Variants in PDZRN4 observed in about 807,000 individuals in gnomAD.
PDZRN4 encodes the protein PDZ domain-containing RING finger protein 4.
A neutral mutation model predicts 99.0 loss-of-function variants in PDZRN4; 70 were observed. That is an observed-to-expected ratio of 0.71 (90% confidence interval 0.58 to 0.86). The LOEUF (loss-of-function observed/expected upper bound fraction) is 0.86. Among genes scored for constraint, PDZRN4 ranks in the 40% least tolerant of loss-of-function variants. The pLI is 0.00. For synonymous variants in PDZRN4, 551 were observed against 501.6 expected (o/e 1.10, Z -1.32); for missense variants, 1,474 against 1,331.2 (o/e 1.11, Z -1.67).
chr12:41,300,501 A>G (rs1951527890), intron 3 of PDZRN4, among the ~76,000 whole-genome samples: 1 of 151,998 alleles, frequency 6.6e-6, no homozygotes, highest in African/African-American at 2.4e-5. Context: ...ACACCCAGAA[A>G]TGTGCCCAAT....
intron 3 of PDZRN4, among the ~76,000 whole-genome samples, chr12:41,214,425 T>G: frequency 5.4e-5 from 1 of 18,496 alleles, no homozygotes; most frequent in South Asian, 2.9e-3. Context: ...GGAGACCCTG[T>G]CCCCTAAAAA....
intron 3 of PDZRN4, among the ~76,000 whole-genome samples, chr12:41,206,603 A>T (rs1950852802): frequency 6.6e-6 from 1 of 151,658 alleles, no homozygotes; most frequent in African/African-American, 2.4e-5. Flanking sequence ...TGTGCCTTCA[A>T]CACCCAGTGG....
At chr12:41,524,656 G>A (rs1938542901) in intron 5 of PDZRN4, among the ~76,000 whole-genome samples, 1 of 152,134 alleles carries the variant, frequency 6.6e-6, no homozygotes, top group South Asian at 2.1e-4. Flanking sequence ...CAAATCATAA[G>A]GCTTATGGAT....
At chr12:41,380,811 C>A (rs1251324443) in intron 3 of PDZRN4, among the ~76,000 whole-genome samples, 1 of 151,984 alleles carries the variant, frequency 6.6e-6, no homozygotes, top group African/African-American at 2.4e-5. Flanking sequence ...TCTATATTTA[C>A]CTTATCTGGT....
intron 3 of PDZRN4, among the ~76,000 whole-genome samples, chr12:41,477,451 G>A (rs913423525): frequency 6.6e-6 from 1 of 152,190 alleles, no homozygotes; most frequent in Non-Finnish European, 1.5e-5. Context: ...AGGTGAAATT[G>A]TCTAGAAAAG....
intron 3 of PDZRN4, among the ~76,000 whole-genome samples, chr12:41,398,818 C>T (rs188316402): frequency 6.6e-6 from 1 of 152,190 alleles, no homozygotes; most frequent in Admixed American, 6.5e-5. Flanking sequence ...ACAATAGTGT[C>T]TAATGCATAC....
At chr12:41,189,206 C>T in intron 1 of PDZRN4, 103 bp downstream of exon 1, 1 of 1,085,328 alleles carries the variant, frequency 9.2e-7, no homozygotes, top group Non-Finnish European at 1.3e-6. Flanking sequence ...GGCATCCTTC[C>T]TCACTATGCA....
At chr12:41,210,100 A>G (rs149657571) in intron 3 of PDZRN4, among the ~76,000 whole-genome samples, 4,796 of 152,178 alleles carry the variant, frequency 0.032, 256 homozygotes, top group African/African-American at 0.11. Flanking sequence ...ATGGCCAGTG[A>G]TGATGAGCAT....
intron 3 of PDZRN4, among the ~76,000 whole-genome samples, chr12:41,257,963 C>G (rs774664440): frequency 1.3e-5 from 2 of 152,120 alleles, no homozygotes; most frequent in Non-Finnish European, 2.9e-5. Flanking sequence ...TTAACCTATT[C>G]AACAAACTTT....
At chr12:41,398,905 TAA>T (rs1952270176) in intron 3 of PDZRN4, among the ~76,000 whole-genome samples, 1 of 152,190 alleles carries the variant, frequency 6.6e-6, no homozygotes, top group Non-Finnish European at 1.5e-5. Flanking sequence ...GCTCTAATTC[TAA>T]GATTTTATTA....
chr12:41,359,340 A>G (rs1314978036), intron 3 of PDZRN4, among the ~76,000 whole-genome samples: 2 of 151,990 alleles, frequency 1.3e-5, no homozygotes, highest in Non-Finnish European at 2.9e-5. Flanking sequence ...ATATCAACTG[A>G]TTTGCCCACC....
At chr12:41,253,227 A>G (rs973341321) in intron 3 of PDZRN4, among the ~76,000 whole-genome samples, 1 of 151,678 alleles carries the variant, frequency 6.6e-6, no homozygotes, top group Admixed American at 6.6e-5. Context: ...GAAGTCTTAC[A>G]CAAAAAAATC....
chr12:41,352,064 T>C (rs1251490733), intron 3 of PDZRN4, among the ~76,000 whole-genome samples: 1 of 151,716 alleles, frequency 6.6e-6, no homozygotes, highest in Non-Finnish European at 1.5e-5. Context: ...GCATGAAAAC[T>C]AAGGAGGTGA....
At chr12:41,221,039 A>G (rs1406380814) in intron 3 of PDZRN4, among the ~76,000 whole-genome samples, 1 of 152,122 alleles carries the variant, frequency 6.6e-6, no homozygotes, top group Non-Finnish European at 1.5e-5. Flanking sequence ...TGGAAGTAAT[A>G]TTGTTTCTAG....
intron 3 of PDZRN4, among the ~76,000 whole-genome samples, chr12:41,279,277 A>T (rs150492298): frequency 6.6e-6 from 1 of 152,268 alleles, no homozygotes; most frequent in African/African-American, 2.4e-5. Flanking sequence ...AAATTATTTA[A>T]GAACTTTCTT....
chr12:41,230,693 TG>T (rs1195430497), intron 3 of PDZRN4, among the ~76,000 whole-genome samples: 2 of 152,134 alleles, frequency 1.3e-5, no homozygotes, highest in African/African-American at 4.8e-5. Flanking sequence ...TCTATATCAC[TG>T]CACTTGAAAA....
At chr12:41,560,481 T>C (rs1939250594) in intron 7 of PDZRN4, among the ~76,000 whole-genome samples, 1 of 152,178 alleles carries the variant, frequency 6.6e-6, no homozygotes, top group Non-Finnish European at 1.5e-5. Flanking sequence ...ATTTTGAAAC[T>C]AACATTTACA....
chr12:41,230,409 A>G lies in PDZRN4; in HGVS notation c.843+36221A>G, dbSNP rs139071374. Among the ~76,000 whole-genome samples, 4 of 152,206 alleles carry G rather than the reference A, an allele frequency of 2.6e-5. No homozygotes were observed. The East Asian group carries it at 7.7e-4, about 29-fold the overall frequency. ...ATATTCATTACTCTGAAGAAATAAT[A>G]ACTAGTAACTGCGTCTTCTGTTAAA... On this transcript the variant is annotated intron_variant, in intron 3 of 9. Coordinates refer to ENST00000402685, the MANE Select transcript of PDZRN4 (RefSeq NM_001164595.2).
chr12:41,271,242 G>C (rs1288277089), intron 3 of PDZRN4, among the ~76,000 whole-genome samples: 2 of 151,904 alleles, frequency 1.3e-5, no homozygotes, highest in Non-Finnish European at 2.9e-5. Context: ...AATAGAGACA[G>C]GATACATTAA....
Sources: allele counts gnomAD v4.1 joint callset (sites outside exome capture counted in the v4.1 genomes callset), GRCh38; gene constraint gnomAD v4.1.1; transcripts MANE v1.5; gene names NCBI Gene and HGNC (gene_info 2026-07-23, HGNC 2026-07-21).